The following WDPCP variants were observed in gnomAD, a reference collection of about 807,000 sequenced individuals.
The protein encoded by WDPCP is WD repeat-containing and planar cell polarity effector protein fritz homolog.
WDPCP carries 71 observed loss-of-function variants against 93.1 expected under a neutral mutation model. That is an observed-to-expected ratio of 0.76 (90% CI 0.63 to 0.93). The LOEUF is 0.93. Among genes scored for constraint, WDPCP ranks in the 40% least tolerant of loss-of-function variants. WDPCP has a pLI of 0.00. For missense variants in WDPCP, 844 were observed against 887.4 expected (o/e 0.95, Z 0.62); for synonymous variants, 315 against 315.0 (o/e 1.00, Z 0.00).
chr2:63,243,743 G>A (rs1346757079), intron 14 of WDPCP, among the ~76,000 whole-genome samples: 1 of 152,010 alleles, frequency 6.6e-6, no homozygotes, highest in Non-Finnish European at 1.5e-5. Context: ...GACTAAGACA[G>A]CTGTACAATA....
chr2:63,252,351 C>A (rs1250703757), intron 14 of WDPCP, among the ~76,000 whole-genome samples: 1 of 152,144 alleles, frequency 6.6e-6, no homozygotes, highest in Non-Finnish European at 1.5e-5. Context: ...AAGCTGGAAG[C>A]ATTCCCCTTA....
intron 3 of WDPCP, among the ~76,000 whole-genome samples, chr2:63,631,009 G>C (rs930593536): frequency 6.6e-6 from 1 of 152,124 alleles, no homozygotes; most frequent in Admixed American, 6.5e-5. Context: ...ATCAAAAATT[G>C]TGGGCTCACA....
chr2:63,761,437 C>T (rs1394197939), intron 2 of WDPCP, among the ~76,000 whole-genome samples: 2 of 152,084 alleles, frequency 1.3e-5, no homozygotes, highest in African/African-American at 4.8e-5. Flanking sequence ...AAACCACAAG[C>T]CTGATATTCT....
At chr2:63,774,493 T>C (rs1670273534) in intron 2 of WDPCP, among the ~76,000 whole-genome samples, 1 of 152,148 alleles carries the variant, frequency 6.6e-6, no homozygotes, top group Admixed American at 6.6e-5. Flanking sequence ...GTGTGTATAT[T>C]TTTCCTCAAA....
rs1427992650 is a variant in WDPCP, at chr2:63,192,902, G to T, written c.1916-18070C>A. On this transcript the variant is annotated intron_variant, in intron 14 of 17. Transcript: ENST00000272321. ...TTTCAAGATGTTCAATCACATGGAA[G>T]AATGAAAATCTTTTATAATATTGTT... Among the ~76,000 whole-genome samples, 7 of 152,286 alleles carry T rather than the reference G, an allele frequency of 4.6e-5. No homozygotes were observed. In the South Asian group the frequency reaches 1.5e-3, roughly 32 times the overall value.
intron 12 of WDPCP, among the ~76,000 whole-genome samples, chr2:63,344,907 T>TAC (rs1335833663): frequency 6.6e-6 from 1 of 152,166 alleles, no homozygotes; most frequent in Non-Finnish European, 1.5e-5. Flanking sequence ...CTGGGGGTGA[T>TAC]ACACAGGTAA....
At chr2:63,598,112 C>CT (rs1709352541) in intron 3 of WDPCP, 1 of 151,814 alleles carries the variant, frequency 6.6e-6, no homozygotes, top group Non-Finnish European at 1.5e-5. Flanking sequence ...TACAGTAAGC[C>CT]TTTTTTATTT....
intron 14 of WDPCP, among the ~76,000 whole-genome samples, chr2:63,239,664 A>C (rs1330400373): frequency 6.6e-6 from 1 of 152,152 alleles, no homozygotes; most frequent in Non-Finnish European, 1.5e-5. Context: ...AAAGTTCGAT[A>C]ATTTTATGAG....
At chr2:63,509,716 C>G (rs1409104620) in intron 1 of WDPCP, among the ~76,000 whole-genome samples, 1 of 151,872 alleles carries the variant, frequency 6.6e-6, no homozygotes, top group African/African-American at 2.4e-5. Context: ...AGAGAAGAAT[C>G]AAATAGACAC....
the WDPCP span, among the ~76,000 whole-genome samples, chr2:63,838,090 A>G: frequency 6.6e-6 from 1 of 151,802 alleles, no homozygotes; most frequent in Non-Finnish European, 1.5e-5. Context: ...GCGAAACTCT[A>G]TCTCAAAGAA....
At chr2:63,720,294 G>A (rs930314664) in intron 2 of WDPCP, among the ~76,000 whole-genome samples, 1 of 151,886 alleles carries the variant, frequency 6.6e-6, no homozygotes, top group Non-Finnish European at 1.5e-5. Context: ...GTGTGCGCCT[G>A]TAGTCCCAGC....
chr2:63,484,737 T>A, intron 5 of WDPCP, 74 bp from the exon 6 acceptor site: 1 of 1,590,420 alleles, frequency 6.3e-7, no homozygotes, highest in Non-Finnish European at 8.6e-7. Context: ...TGCCTCTGAT[T>A]TGCAAGCAAA....
At chr2:63,761,675 T>A (rs1670056349) in intron 2 of WDPCP, among the ~76,000 whole-genome samples, 1 of 152,134 alleles carries the variant, frequency 6.6e-6, no homozygotes, top group South Asian at 2.1e-4. Flanking sequence ...TTTCACATTT[T>A]TCTGCCTGCT....
intron 15 of WDPCP, among the ~76,000 whole-genome samples, chr2:63,157,634 A>C (rs1194975200): frequency 6.6e-6 from 1 of 152,168 alleles, no homozygotes; most frequent in African/African-American, 2.4e-5. Flanking sequence ...CTTTCAAGGA[A>C]TTATTCCATT....
intron 9 of WDPCP, among the ~76,000 whole-genome samples, chr2:63,426,633 T>C (rs1696319440): frequency 6.6e-6 from 1 of 152,084 alleles, no homozygotes; most frequent in South Asian, 2.1e-4. Flanking sequence ...ATAAAGCAAC[T>C]ACACATCAAA....
chr2:63,420,367 A>AAAAAAAAAC (rs1404952506), intron 9 of WDPCP, among the ~76,000 whole-genome samples: 6 of 151,044 alleles, frequency 4.0e-5, no homozygotes, highest in Admixed American at 2.6e-4. Flanking sequence ...TACTTAAAAA[A>AAAAAAAAAC]AAAAAAAAAC....
intron 12 of WDPCP, among the ~76,000 whole-genome samples, chr2:63,320,264 A>AT (rs1686982886): frequency 6.6e-6 from 1 of 152,198 alleles, no homozygotes. Flanking sequence ...TAATAAAGAC[A>AT]TTTGCAGGAA....
chr2:63,391,342 C>A (rs1400730186), intron 10 of WDPCP, among the ~76,000 whole-genome samples: 1 of 152,124 alleles, frequency 6.6e-6, no homozygotes, highest in African/African-American at 2.4e-5. Flanking sequence ...AATTCAACAG[C>A]ACTTCATGAT....
intron 6 of WDPCP, among the ~76,000 whole-genome samples, chr2:63,456,011 C>T (rs911344646): frequency 6.6e-6 from 1 of 151,998 alleles, no homozygotes; most frequent in African/African-American, 2.4e-5. Context: ...GGAATCACTA[C>T]CAAGAGAAAC....
Sources: allele counts gnomAD v4.1 joint callset (sites outside exome capture counted in the v4.1 genomes callset), GRCh38; gene constraint gnomAD v4.1.1; transcripts MANE v1.5; gene names NCBI Gene and HGNC (gene_info 2026-07-23, HGNC 2026-07-21).